ACVR1C: variants seen among roughly 807,000 people sequenced by gnomAD.
The protein encoded by ACVR1C is activin receptor type-1C.
Under a neutral mutation model 57.9 loss-of-function variants are expected in ACVR1C, and 23 were observed. The ratio of observed to expected loss-of-function variants is 0.40; its 90% CI spans 0.29 to 0.56. The LOEUF (loss-of-function observed/expected upper bound fraction) is 0.56. Among genes scored for constraint, ACVR1C ranks in the 20% least tolerant of loss-of-function variants. ACVR1C has a pLI of 0.50. For synonymous variants in ACVR1C, 214 were observed against 215.3 expected (o/e 0.99, Z 0.05); for missense variants, 480 against 607.9 (o/e 0.79, Z 2.21).
intron 1 of ACVR1C, among the ~76,000 whole-genome samples, chr2:157,599,822 A>G (rs1278158095): frequency 2.0e-5 from 3 of 152,206 alleles, no homozygotes; most frequent in Admixed American, 6.5e-5. Flanking sequence ...ACTCTGTAGC[A>G]TGGAGAGGTG....
intron 1 of ACVR1C, among the ~76,000 whole-genome samples, chr2:157,597,960 T>G (rs944296696): frequency 1.3e-5 from 2 of 152,234 alleles, no homozygotes; most frequent in Non-Finnish European, 2.9e-5. Flanking sequence ...CAGTGAAGTC[T>G]TTCTAAATTG....
At chr2:157,580,113 G>C (rs183633973) in intron 2 of ACVR1C, among the ~76,000 whole-genome samples, 1 of 151,294 alleles carries the variant, frequency 6.6e-6, no homozygotes, top group African/African-American at 2.4e-5. Context: ...ACACACGTGC[G>C]CGTGCTATTT....
intron 2 of ACVR1C, among the ~76,000 whole-genome samples, chr2:157,580,084 A>G (rs1246391241): frequency 6.6e-6 from 1 of 151,064 alleles, no homozygotes; most frequent in South Asian, 2.1e-4. Flanking sequence ...CACACACACA[A>G]ACACACACGC....
intron 2 of ACVR1C, among the ~76,000 whole-genome samples, chr2:157,578,932 A>C (rs920291123): frequency 1.1e-4 from 16 of 152,196 alleles, no homozygotes; most frequent in East Asian, 1.9e-4. Flanking sequence ...TTAATGTTAA[A>C]TTGAGTTTAA....
At chr2:157,625,590 G>A in intron 1 of ACVR1C, among the ~76,000 whole-genome samples, 1 of 151,720 alleles carries the variant, frequency 6.6e-6, no homozygotes, top group Admixed American at 6.6e-5. Context: ...TGTTTGCAGT[G>A]GGGGTGAGGG....
chr2:157,559,610 T>G (rs911617311), intron 2 of ACVR1C, among the ~76,000 whole-genome samples: 2 of 152,200 alleles, frequency 1.3e-5, no homozygotes, highest in African/African-American at 4.8e-5. Context: ...CCAAGTGAGA[T>G]GCATTCTCCA....
chr2:157,592,943 T>G (rs1010517134), intron 1 of ACVR1C, among the ~76,000 whole-genome samples: 1 of 152,112 alleles, frequency 6.6e-6, no homozygotes, highest in Non-Finnish European at 1.5e-5. Flanking sequence ...CAAATGAGGT[T>G]GAAGAAGGAA....
intron 3 of ACVR1C, among the ~76,000 whole-genome samples, chr2:157,551,963 C>A (rs1366624693): frequency 6.6e-6 from 1 of 152,176 alleles, no homozygotes; most frequent in Non-Finnish European, 1.5e-5. Context: ...TCTGGTTCAA[C>A]CCTATCATTT....
rs145869067 is a variant in ACVR1C at position 157,562,459 on chromosome 2, AAAAATAAAATAAAATAAAAT to A, written c.305-6147_305-6128del. On this transcript the variant is annotated intron_variant, in intron 2 of 8. Transcript: ENST00000243349. Reference sequence around the variant, plus strand: ...CAGTAATACACAGCCTACCAACCAAAAAAATAAAATAAAATAAAATAAAATAAAATAAAATAAAATAAAAT... The same window carrying A: ...CAGTAATACACAGCCTACCAACCAAAAAAATAAAATAAAATAAAATAAAAT... Among the ~76,000 whole-genome samples the A allele has an allele frequency of 2.6e-3, 280 of 108,188 alleles. 2 individuals carry two copies. The highest frequency in any genetic ancestry group is 4.6e-3 in the South Asian group (14 of 3,042). The allele number at this position is 108,188 out of a possible 152,430, so 71.0% of individuals were successfully genotyped here.
chr2:157,538,003 C>T (rs1274880226), intron 8 of ACVR1C, among the ~76,000 whole-genome samples: 1 of 152,124 alleles, frequency 6.6e-6, no homozygotes, highest in Non-Finnish European at 1.5e-5. Flanking sequence ...TGAGGTATAA[C>T]TTATTGAATG....
At chr2:157,607,361 G>A (rs776413004) in intron 1 of ACVR1C, among the ~76,000 whole-genome samples, 21 of 146,186 alleles carry the variant, frequency 1.4e-4, no homozygotes, top group Non-Finnish European at 2.7e-4. Context: ...ATGACATTTG[G>A]TCACTATAGC....
chr2:157,562,466 A>AAATAC (rs1263322594), intron 2 of ACVR1C, among the ~76,000 whole-genome samples: 3 of 123,872 alleles, frequency 2.4e-5, no homozygotes, highest in African/African-American at 1.0e-4. Context: ...CAAAAAAATA[A>AAATAC]AATAAAATAA....
In ACVR1C at chr2:157,530,069, T is replaced by C. The variant is rs1038595891; in HGVS notation, c.*3849A>G. ...TGTTTCACAAAAGATGTTTAAAATA[T>C]CTTTGAAAACCACAATGGTGCCATT... On this transcript the variant is annotated 3_prime_UTR_variant, in exon 9 of 9. Transcript: ENST00000243349. 2.0e-5 allele frequency: 3 copies of C among 152,082 alleles called. No individual in the cohort carries two copies. Among genetic ancestry groups the C allele is most frequent in the Non-Finnish European group, 2.9e-5 (2 of 67,970 alleles). 9.4% of individuals were successfully genotyped at this position (152,082 alleles called of 1,614,324 possible).
intron 2 of ACVR1C, among the ~76,000 whole-genome samples, chr2:157,585,149 G>C (rs1348543966): frequency 6.6e-6 from 1 of 152,148 alleles, no homozygotes; most frequent in Admixed American, 6.5e-5. Context: ...GGGCATATGT[G>C]TGTGTCTAAA....
At position 157,610,489 on chromosome 2, in the gene ACVR1C, C is replaced by T. The variant is rs535946517; in HGVS notation, c.73+18083G>A. On this transcript the variant is annotated intron_variant, in intron 1 of 8. Coordinates refer to ENST00000243349, the MANE Select transcript of ACVR1C (RefSeq NM_145259.3). ...GAATTCTCTTTTATCTTTGATTTTA[C>T]ACAGCTTGATTATAATGTACCATGA... Among the ~76,000 whole-genome samples the T allele has an allele frequency of 5.3e-5, 8 of 152,158 alleles. No homozygotes were observed. The South Asian group carries it at 1.7e-3, about 31-fold the overall frequency.
Position 157,542,678 on chromosome 2 carries a change from A to G in ACVR1C, c.1100+28T>C, listed in dbSNP as rs115562265. The stretch of plus-strand genomic sequence containing the variant: ...TGCTTATTGGGCACTCTCACATCTT[A>G]CTATGCTACCCAAGTCAGTCGTCTT... On this transcript the variant is annotated intron_variant, in intron 6 of 8. Transcript: ENST00000243349. 2.6e-3 allele frequency: 4,100 copies of G among 1,602,250 alleles called. 104 individuals carry two copies. In the African/African-American group the frequency reaches 0.049, roughly 19 times the overall value.
rs1360806422 is a variant in ACVR1C, at chr2:157,527,286, T to G, written c.*6632A>C. 6.6e-6 allele frequency: 1 copy of G among 152,222 alleles called. No individual in the cohort carries two copies. Among genetic ancestry groups the G allele is most frequent in the Non-Finnish European group, 1.5e-5 (1 of 68,034 alleles). 9.4% of individuals were successfully genotyped at this position (152,222 alleles called of 1,614,324 possible). On this transcript the variant is annotated 3_prime_UTR_variant, in exon 9 of 9. Transcript: ENST00000243349. ...AATTTATTTTTTCATATTCCTTCCT[T>G]ATATACATTCCTTTGGGCCTGTCGG... is the stretch of plus-strand genomic sequence containing the variant.
At chr2:157,564,094 A>T (rs1278447521) in intron 2 of ACVR1C, among the ~76,000 whole-genome samples, 1 of 152,242 alleles carries the variant, frequency 6.6e-6, no homozygotes, top group Non-Finnish European at 1.5e-5. Flanking sequence ...AGCAATTGCC[A>T]CAAAAGCCAA....
chr2:157,607,657 G>A, intron 1 of ACVR1C, among the ~76,000 whole-genome samples: 1 of 151,176 alleles, frequency 6.6e-6, no homozygotes, highest in Non-Finnish European at 1.5e-5. Context: ...AGTGTTTTCT[G>A]GTTTTTCTTG....
Sources: gnomAD v4.1 joint callset for allele counts (sites outside exome capture counted in the v4.1 genomes callset) on GRCh38, gnomAD v4.1.1 for gene constraint, MANE v1.5 for transcripts, NCBI Gene and HGNC (gene_info 2026-07-23, HGNC 2026-07-21) for gene names.